ZIM3: variants seen among roughly 807,000 people sequenced by gnomAD.
ZIM3 encodes zinc finger imprinted 3.
A neutral mutation model predicts 12.9 loss-of-function variants in ZIM3; 11 were observed. The ratio of observed to expected loss-of-function variants is 0.85; its 90% confidence interval spans 0.54 to 1.41. ZIM3 has a LOEUF of 1.41. Ranked by LOEUF, ZIM3 falls within the 40% of genes most tolerant of loss-of-function variation. The pLI is 0.00. For missense variants in ZIM3, 604 were observed against 557.2 expected, an observed-to-expected ratio of 1.08 and a Z score of -0.85; for synonymous variants, 205 against 198.5, an observed-to-expected ratio of 1.03 and a Z score of -0.28.
At chr19:57,138,086 G>T (rs1374722579) in intron 3 of ZIM3, among the ~76,000 whole-genome samples, 1 of 121,284 alleles carries the variant, frequency 8.2e-6, no homozygotes, top group South Asian at 3.2e-4. Flanking sequence ...AAAGAAGGGA[G>T]GTAGGAAGGG....
At position 57,136,946 on chromosome 19, in the gene ZIM3, A is replaced by G. The variant is rs753484634; in HGVS notation, c.168T>C (p.Asp56=). The change falls in exon 4 of 5, where the codon GAT becomes GAC. Residue 56 remains aspartate, a synonymous_variant. Coordinates refer to ENST00000269834, the MANE Select transcript of ZIM3 (RefSeq NM_052882.1). ...SVGQGETTKP[D]VILRLEQGKE... is the part of the protein sequence containing the mutation. ...TTCCTTGTTCCAACCTCAAGATCAC[A>G]TCGGGTTTGGTGGTTTCCCCTTGTC... 7 of 1,613,960 alleles carry G rather than the reference A, an allele frequency of 4.3e-6. No homozygotes were observed. Among genetic ancestry groups the G allele is most frequent in the Non-Finnish European group, 5.9e-6 (7 of 1,180,016 alleles).
intron 3 of ZIM3, among the ~76,000 whole-genome samples, chr19:57,137,900 AAAG>A (rs2086894500): frequency 5.7e-5 from 3 of 52,644 alleles, no homozygotes; most frequent in Non-Finnish European, 1.1e-4. Context: ...AGAAGGAAGG[AAAG>A]AAGGAAGGAA....
rs1440046425 is a variant in ZIM3 at position 57,135,862 on chromosome 19, G to A, written c.475C>T (p.Pro159Ser). ...NGYRKLVGNN[P>S]SKFVGQQLKC... The stretch of plus-strand genomic sequence containing the variant: ...AGTTGTTGTCCTACAAATTTGGATG[G>A]ATTATTGCCAACTAATTTTCTGTAT... Residue 159 changes from proline to serine, a missense_variant, in exon 5 of 5, where the codon CCA becomes TCA. Coordinates refer to ENST00000269834, the MANE Select transcript of ZIM3 (RefSeq NM_052882.1). 1.9e-6 allele frequency: 3 copies of A among 1,614,078 alleles called. No homozygotes were observed. Among genetic ancestry groups the A allele is most frequent in the Non-Finnish European group, 2.5e-6 (3 of 1,180,010 alleles).
chr19:57,143,540 G>T (rs939793028), intron 1 of ZIM3, among the ~76,000 whole-genome samples: 1 of 152,062 alleles, frequency 6.6e-6, no homozygotes. Flanking sequence ...CTTCAGCTTT[G>T]CCATAAGCGG....
intron 1 of ZIM3, among the ~76,000 whole-genome samples, chr19:57,143,936 A>G (rs1337858673): frequency 6.6e-6 from 1 of 151,950 alleles, no homozygotes; most frequent in Non-Finnish European, 1.5e-5. Context: ...TCAGCCTCCC[A>G]AAGTGCTGGG....
intron 3 of ZIM3, among the ~76,000 whole-genome samples, chr19:57,137,940 A>G (rs1165620115): frequency 5.9e-4 from 37 of 62,408 alleles, no homozygotes; most frequent in Non-Finnish European, 5.7e-4. Flanking sequence ...GGAAGGAAGG[A>G]AGGAAGGAAA....
chr19:57,140,496 A>T (rs1366824760), intron 2 of ZIM3, among the ~76,000 whole-genome samples: 1 of 148,638 alleles, frequency 6.7e-6, no homozygotes, highest in Non-Finnish European at 1.5e-5. Context: ...AATTTTTGAC[A>T]CAGGTTCTTG....
chr19:57,137,689 G>A (rs970710218), intron 3 of ZIM3, among the ~76,000 whole-genome samples: 2 of 147,520 alleles, frequency 1.4e-5, no homozygotes, highest in Non-Finnish European at 2.9e-5. Flanking sequence ...CTCCAGCCTG[G>A]GTGACAGAGC....
In ZIM3 at chr19:57,135,009, C is replaced by A. The variant is rs1448433881; in HGVS notation, c.1328G>T (p.Gly443Val). Reference sequence around the variant, plus strand: ...TTCAGAACATCCATAAGGTTTTTGTCCAGTATGGGTTTTTTTATGCAAACT... The same window carrying A: ...TTCAGAACATCCATAAGGTTTTTGTACAGTATGGGTTTTTTTATGCAAACT... ...NLSLHKKTHT[G>V]QKPYGCSECG... The change falls in exon 5 of 5, where the codon GGA becomes GTA. Residue 443 changes from glycine to valine, a missense_variant. Transcript: ENST00000269834. The A allele has an allele frequency of 1.2e-6, 2 of 1,614,094 alleles. No homozygotes were observed. The highest frequency in any genetic ancestry group is 1.7e-6 in the Non-Finnish European group (2 of 1,180,018).
chr19:57,142,736 T>C (rs59976893), intron 1 of ZIM3, 51 bp from the exon 2 acceptor site: 766,830 of 1,474,384 alleles, frequency 0.52, 205,562 homozygotes, highest in South Asian at 0.56. Context: ...GCTTTGGAAG[T>C]TGGGGATCAT....
intron 3 of ZIM3, among the ~76,000 whole-genome samples, chr19:57,138,018 GGAAAGAAGGAAGGAAA>G (rs2086896646): frequency 4.4e-5 from 3 of 68,012 alleles, no homozygotes; most frequent in African/African-American, 2.0e-4. Flanking sequence ...AAGGAAGGAA[GGAAAGAAGGAAGGAAA>G]GAAGGAAGGA....
chr19:57,135,224 GGTATTTCCACATAGATCA>G lies in ZIM3; in HGVS notation c.1095_1112del (p.Asp366_Thr371del). The G allele has an allele frequency of 6.2e-7, 1 of 1,613,828 alleles. No homozygotes were observed. Among genetic ancestry groups the G allele is most frequent in the Non-Finnish European group, 8.5e-7 (1 of 1,179,904 alleles). Reference sequence around the variant, plus strand: ...GAATGAGGTTTTTCTTCTGGATAAAGGTATTTCCACATAGATCACACTCATAAGCTCTCTTCCCAGTGT... The same window carrying G: ...GAATGAGGTTTTTCTTCTGGATAAAGCACTCATAAGCTCTCTTCCCAGTGT... On this transcript the variant is annotated inframe_deletion, in exon 5 of 5. Transcript: ENST00000269834.
chr19:57,136,603 G>T (rs1025576304), intron 4 of ZIM3, among the ~76,000 whole-genome samples: 2 of 150,818 alleles, frequency 1.3e-5, no homozygotes. Context: ...GGCGGAGGTT[G>T]CAGTGAGCCC....
At chr19:57,136,245 T>C (rs1599921685) in intron 4 of ZIM3, 150 bp from the exon 5 acceptor site, 1 of 721,348 alleles carries the variant, frequency 1.4e-6, no homozygotes, top group Non-Finnish European at 2.3e-6. Context: ...CTGTTAGAGT[T>C]CTATGTGAGC....
At chr19:57,138,681 A>G in intron 2 of ZIM3, 83 bp from the exon 3 acceptor site, 1 of 1,532,206 alleles carries the variant, frequency 6.5e-7, no homozygotes. Flanking sequence ...CTGCTGAACC[A>G]AGCTTTAATC....
At chr19:57,143,065 T>C (rs553162950) in intron 1 of ZIM3, among the ~76,000 whole-genome samples, 87 of 151,978 alleles carry the variant, frequency 5.7e-4, no homozygotes, top group Non-Finnish European at 1.1e-3. Flanking sequence ...CGGTGACTCA[T>C]GCCTGTAATG....
rs757547300 is a variant in ZIM3 at position 57,135,444 on chromosome 19, T to C, written c.893A>G (p.Lys298Arg). ...FRQNSTLIQH[K>R]KVHTGQKPFQ... ...GGGTTTTTGTCCAGTGTGAACTTTT[T>C]TATGTTGAATGAGGGTTGAGTTCTG... Residue 298 changes from lysine to arginine, a missense_variant, in exon 5 of 5, where the codon AAA becomes AGA. By Grantham distance (26) the Lys-to-Arg change is conservative. Coordinates refer to ENST00000269834, the MANE Select transcript of ZIM3 (RefSeq NM_052882.1). The C allele has an allele frequency of 6.2e-7, 1 of 1,614,196 alleles. No homozygotes were observed. The highest frequency in any genetic ancestry group is 8.5e-7 in the Non-Finnish European group (1 of 1,180,042).
In ZIM3 at chr19:57,138,513, C is replaced by T; in HGVS notation, c.101G>A (p.Arg34Lys). 2 of 1,614,166 alleles carry T rather than the reference C, an allele frequency of 1.2e-6. No individual in the cohort carries two copies. The highest frequency in any genetic ancestry group is 1.7e-6 in the Non-Finnish European group (2 of 1,180,002). ...GCTGTAATTCTCCAGCATCACATCCCTGTACAAGTTTCTCTGTTCGGGATT... is the reference window on the plus strand; with the variant it reads ...GCTGTAATTCTCCAGCATCACATCCTTGTACAAGTTTCTCTGTTCGGGATT... Reference protein sequence around the residue: ...RLNPEQRNLYRDVMLENYSNL... With the variant: ...RLNPEQRNLYKDVMLENYSNL... The change falls in exon 3 of 5, where the codon AGG (arginine) becomes AAG (lysine). Residue 34 changes from arginine (R) to lysine (K), a missense_variant. Coordinates refer to ENST00000269834, the MANE Select transcript of ZIM3 (RefSeq NM_052882.1).
At chr19:57,138,033 A>AGG (rs1481890889) in intron 3 of ZIM3, among the ~76,000 whole-genome samples, 3 of 78,338 alleles carry the variant, frequency 3.8e-5, no homozygotes, top group Admixed American at 2.9e-4. Context: ...GAAGGAAGGA[A>AGG]AGAAGGAAGG....
Sources: allele counts gnomAD v4.1 joint callset (sites outside exome capture counted in the v4.1 genomes callset), GRCh38; gene constraint gnomAD v4.1.1; transcripts MANE v1.5; gene names NCBI Gene and HGNC (gene_info 2026-07-23, HGNC 2026-07-21).